SNRNP70: variants seen among roughly 807,000 people sequenced by gnomAD.
The protein encoded by SNRNP70 is U1 small nuclear ribonucleoprotein 70 kDa.
A neutral mutation model predicts 50.5 loss-of-function variants in SNRNP70; 8 were observed. The ratio of observed to expected loss-of-function variants is 0.16; its 90% CI spans 0.09 to 0.29. The LOEUF (loss-of-function observed/expected upper bound fraction) is 0.29, where lower values mean the gene tolerates loss of function less well. Among genes scored for constraint, SNRNP70 ranks in the 10% least tolerant of loss-of-function variants. The pLI is 1.00. For synonymous variants in SNRNP70, 320 were observed against 252.9 expected (o/e 1.27, Z -2.52); for missense variants, 529 against 663.5 (o/e 0.80, Z 2.23).
chr19:49,103,812 T>G (rs1000573989), intron 7 of SNRNP70: 1 of 152,626 alleles, frequency 6.6e-6, no homozygotes, highest in Non-Finnish European at 1.5e-5. Flanking sequence ...CTCTCCCCCG[T>G]CTCCCCTCTA....
At chr19:49,090,147 C>T (rs2040430272) in intron 2 of SNRNP70, 144 bp from the exon 3 acceptor site, 2 of 706,254 alleles carry the variant, frequency 2.8e-6, no homozygotes, top group African/African-American at 3.5e-5. Context: ...TCCCCTCCCT[C>T]CACTGTGTCA....
chr19:49,087,959 G>C (rs2040402378), intron 2 of SNRNP70, among the ~76,000 whole-genome samples: 1 of 152,062 alleles, frequency 6.6e-6, no homozygotes. Context: ...GAGTGCAGTG[G>C]CGTGATTTTA....
At chr19:49,106,243 C>G (rs1311263349) in intron 8 of SNRNP70, among the ~76,000 whole-genome samples, 1 of 152,186 alleles carries the variant, frequency 6.6e-6, no homozygotes, top group Non-Finnish European at 1.5e-5. Flanking sequence ...CGGGAAAATG[C>G]TAGAATCTCA....
rs2040430836 is a variant in SNRNP70, at chr19:49,090,188, A to AGGGGGT, written c.148-93_148-88dup. On this transcript the variant is annotated intron_variant, in intron 2 of 9. Coordinates refer to ENST00000598441, the MANE Select transcript of SNRNP70 (RefSeq NM_003089.6). ...AGTGTGCGTGGATGTTTATTTTTGT[A>AGGGGGT]GGGGGTGGGGGTGGGAGGGTTAACC... 8.3e-6 allele frequency: 7 copies of AGGGGGT among 842,742 alleles called. No homozygotes were observed. The African/African-American group carries it at 1.6e-4, about 19-fold the overall frequency. 52.2% of individuals were successfully genotyped at this position (842,742 alleles called of 1,614,324 possible).
intron 1 of SNRNP70, among the ~76,000 whole-genome samples, chr19:49,086,180 C>T (rs1243775182): frequency 2.0e-5 from 3 of 152,194 alleles, no homozygotes; most frequent in Non-Finnish European, 1.5e-5. Context: ...TCTTCAGGAA[C>T]CCTTTTCCAG....
Position 49,101,484 on chromosome 19 carries a change from C to A in SNRNP70, c.475+13C>A. 1 of 1,601,452 alleles carries A rather than the reference C, an allele frequency of 6.2e-7. No individual in the cohort carries two copies. The highest frequency in any genetic ancestry group is 8.6e-7 in the Non-Finnish European group (1 of 1,168,560). On this transcript the variant is annotated intron_variant, in intron 7 of 9. Coordinates refer to ENST00000598441, the MANE Select transcript of SNRNP70 (RefSeq NM_003089.6). ...CGAGACATGCACTGTGAGTACCTCC[C>A]GCCGAGCCCTGCCCTCTGACCTGCT...
chr19:49,093,335 C>T (rs1229130769), intron 4 of SNRNP70, among the ~76,000 whole-genome samples: 3 of 152,000 alleles, frequency 2.0e-5, no homozygotes, highest in African/African-American at 7.2e-5. Context: ...ATCTGCCCGC[C>T]TCGGTCTCCC....
chr19:49,092,739 C>T (rs1047890347), intron 4 of SNRNP70, among the ~76,000 whole-genome samples: 1 of 152,058 alleles, frequency 6.6e-6, no homozygotes, highest in Admixed American at 6.6e-5. Flanking sequence ...CAACCACATC[C>T]ACTGTGGGTC....
intron 4 of SNRNP70, among the ~76,000 whole-genome samples, chr19:49,091,573 T>G (rs1159790392): frequency 2.6e-5 from 4 of 152,040 alleles, no homozygotes; most frequent in Non-Finnish European, 5.9e-5. Context: ...TGCCATCTCA[T>G]GTTGGCATAT....
intron 4 of SNRNP70, among the ~76,000 whole-genome samples, chr19:49,093,043 G>C (rs891452936): frequency 6.6e-6 from 1 of 150,868 alleles, no homozygotes; most frequent in Non-Finnish European, 1.5e-5. Flanking sequence ...GGCCCCCAGA[G>C]TGTTGGGATT....
chr19:49,092,122 G>GTTTT (rs1275835234), intron 4 of SNRNP70, among the ~76,000 whole-genome samples: 7 of 151,778 alleles, frequency 4.6e-5, no homozygotes, highest in Non-Finnish European at 2.9e-5. Flanking sequence ...TTGTTTGTTT[G>GTTTT]TTTTTTGGAG....
At chr19:49,095,406 AT>A (rs1437771994) in intron 4 of SNRNP70, among the ~76,000 whole-genome samples, 1 of 152,102 alleles carries the variant, frequency 6.6e-6, no homozygotes, top group Non-Finnish European at 1.5e-5. Flanking sequence ...AAATGTTAGC[AT>A]CTTGTGAGGC....
intron 4 of SNRNP70, among the ~76,000 whole-genome samples, chr19:49,092,320 G>A (rs984433774): frequency 6.6e-6 from 1 of 151,718 alleles, no homozygotes; most frequent in Admixed American, 6.6e-5. Context: ...TGTTGACCAG[G>A]ATCGTCTAGA....
In SNRNP70 at chr19:49,097,935, C is replaced by T. The variant is rs554956063; in HGVS notation, c.266-492C>T. ...TTGCTTTCCTGGCTCTCATTCTTAG[C>T]CTTGGGGCAGCTTGGTCTCAGGTTT... On this transcript the variant is annotated intron_variant, in intron 4 of 9. Coordinates refer to ENST00000598441, the MANE Select transcript of SNRNP70 (RefSeq NM_003089.6). Among the ~76,000 whole-genome samples the T allele has an allele frequency of 7.9e-5, 12 of 152,328 alleles. 1 individual carries two copies. In the East Asian group the frequency reaches 2.1e-3, roughly 27 times the overall value.
rs1357519326 is a variant in SNRNP70 at position 49,085,632 on chromosome 19, A to T, written c.-15A>T. ...CAGACGCCAGAGCGAGGAGGGCGCTACGCGGTGAGTGAGTGTGACTGAGTG... is the reference window on the plus strand; with the variant it reads ...CAGACGCCAGAGCGAGGAGGGCGCTTCGCGGTGAGTGAGTGTGACTGAGTG... On this transcript the variant is annotated 5_prime_UTR_variant, in exon 1 of 10. Coordinates refer to ENST00000598441, the MANE Select transcript of SNRNP70 (RefSeq NM_003089.6). The T allele has an allele frequency of 2.2e-6, 1 of 456,054 alleles. No individual in the cohort carries two copies. The highest frequency in any genetic ancestry group is 7.0e-5 in the East Asian group (1 of 14,386). 28.3% of individuals were successfully genotyped at this position (456,054 alleles called of 1,614,324 possible). A position where few individuals can be genotyped will look rare whatever the true frequency, so the allele number is the denominator to read the frequency against.
chr19:49,090,353 A>G lies in SNRNP70; in HGVS notation c.210A>G (p.Lys70=), dbSNP rs1409230952. 2.5e-6 allele frequency: 4 copies of G among 1,613,896 alleles called. No homozygotes were observed. The highest frequency in any genetic ancestry group is 1.3e-5 in the African/African-American group (1 of 74,960). The change falls in exon 3 of 10, where the codon AAA becomes AAG. Residue 70 remains lysine, a splice_region_variant and synonymous_variant. Transcript: ENST00000598441. The part of the protein sequence containing the change: ...AETREERMER[K]RREKIERRQQ... The stretch of plus-strand genomic sequence containing the variant: ...CCCGAGAGGAGCGCATGGAGAGGAA[A>G]GTATGTCATTTTTGCTTCCTGACCC...
intron 6 of SNRNP70, 61 bp downstream of exon 6, chr19:49,098,765 A>AGAGG: frequency 1.5e-6 from 2 of 1,348,220 alleles, no homozygotes; most frequent in Non-Finnish European, 2.1e-6. Context: ...CTGTATCCTG[A>AGAGG]GAGGGAGGGA....
intron 4 of SNRNP70, among the ~76,000 whole-genome samples, chr19:49,092,849 C>T (rs1255944425): frequency 6.6e-6 from 1 of 151,956 alleles, no homozygotes; most frequent in African/African-American, 2.4e-5. Context: ...GATCCTCTTG[C>T]CTCAGCCTCC....
At chr19:49,089,996 G>A (rs1368840943) in intron 2 of SNRNP70, among the ~76,000 whole-genome samples, 1 of 152,028 alleles carries the variant, frequency 6.6e-6, no homozygotes, top group African/African-American at 2.4e-5. Flanking sequence ...TTTTTGTGGA[G>A]ATGGTGTTTC....
Sources: gnomAD v4.1 joint callset for allele counts (sites outside exome capture counted in the v4.1 genomes callset) on GRCh38, gnomAD v4.1.1 for gene constraint, MANE v1.5 for transcripts, NCBI Gene and HGNC (gene_info 2026-07-23, HGNC 2026-07-21) for gene names.